The following GARNL3 variants were observed in gnomAD, a reference collection of about 807,000 sequenced individuals.
The protein encoded by GARNL3 is GTPase activating Rap/RanGAP domain like 3, also known as GTPase-activating Rap/Ran-GAP domain-like protein 3.
Under a neutral mutation model 125.0 loss-of-function variants are expected in GARNL3, and 63 were observed. The ratio of observed to expected loss-of-function variants is 0.50; its 90% CI spans 0.41 to 0.62. The LOEUF (loss-of-function observed/expected upper bound fraction) is 0.62, where lower values mean the gene tolerates loss of function less well. Among genes scored for constraint, GARNL3 ranks in the 20% least tolerant of loss-of-function variants. The pLI is 0.00. For synonymous variants in GARNL3, 439 were observed against 457.5 expected, an observed-to-expected ratio of 0.96 and a Z score of 0.52; for missense variants, 994 against 1,244.0, an observed-to-expected ratio of 0.80 and a Z score of 3.02.
intron 2 of GARNL3, among the ~76,000 whole-genome samples, chr9:127,245,998 C>T (rs912439071): frequency 2.0e-5 from 3 of 152,182 alleles, no homozygotes; most frequent in African/African-American, 7.2e-5. Context: ...CAGTGCTGAA[C>T]ACCAATGAAG....
At chr9:127,234,450 A>G (rs1292033996) in intron 1 of GARNL3, among the ~76,000 whole-genome samples, 1 of 152,222 alleles carries the variant, frequency 6.6e-6, no homozygotes, top group Non-Finnish European at 1.5e-5. Flanking sequence ...GAAGTTCTAC[A>G]GCAGCATGCA....
At chr9:127,314,017 C>G (rs1376487339) in intron 4 of GARNL3, among the ~76,000 whole-genome samples, 1 of 152,136 alleles carries the variant, frequency 6.6e-6, no homozygotes, top group Non-Finnish European at 1.5e-5. Context: ...CTGATCCAAC[C>G]TCTGAACTCG....
chr9:127,365,367 G>GT lies in GARNL3; in HGVS notation c.2161+2dup. 2 of 1,608,224 alleles carry GT rather than the reference G, an allele frequency of 1.2e-6. No individual in the cohort carries two copies. Among genetic ancestry groups the GT allele is most frequent in the Non-Finnish European group, 8.5e-7 (1 of 1,174,724 alleles). ...GCTGGTTTGCTGTTGTGTTACAACTGTAAGTTAAGGATGTGCTTTTATCTT... is the reference window on the plus strand; with the variant it reads ...GCTGGTTTGCTGTTGTGTTACAACTGTTAAGTTAAGGATGTGCTTTTATCTT... On this transcript the variant is annotated splice_donor_variant, in intron 22 of 27. Transcript: ENST00000373387. LOFTEE classifies it high-confidence loss of function.
Position 127,387,303 on chromosome 9 carries a change from T to C in GARNL3, c.2499T>C (p.Thr833=). 1 of 1,613,690 alleles carries C rather than the reference T, an allele frequency of 6.2e-7. No individual in the cohort carries two copies. The highest frequency in any genetic ancestry group is 8.5e-7 in the Non-Finnish European group (1 of 1,179,836). Residue 833 remains threonine, a synonymous_variant, in exon 25 of 28, where the codon ACT becomes ACC. Transcript: ENST00000373387. ...CTCAGACACCCCCGGGCCGAGATAC[T>C]CCAGTATTTCCTTCTTCCCTGGGGG... ...NSPQTPPGRD[T]PVFPSSLGEG... is the part of the protein sequence containing the mutation.
intron 1 of GARNL3, among the ~76,000 whole-genome samples, chr9:127,276,790 G>A (rs570268637): frequency 6.6e-4 from 101 of 152,334 alleles, no homozygotes; most frequent in African/African-American, 2.4e-3. Context: ...TATTCTCAAT[G>A]GATTTCATGG....
chr9:127,308,768 C>T (rs549779440), intron 2 of GARNL3, among the ~76,000 whole-genome samples: 4 of 152,262 alleles, frequency 2.6e-5, no homozygotes, highest in African/African-American at 4.8e-5. Context: ...ACTGTGGTTA[C>T]GTAAGAACAT....
chr9:127,375,862 G>A (rs1361536227), intron 22 of GARNL3, among the ~76,000 whole-genome samples: 5 of 152,202 alleles, frequency 3.3e-5, no homozygotes, highest in Non-Finnish European at 7.3e-5. Context: ...AGGTCCTTGT[G>A]GTGAGGAACT....
chr9:127,225,323 G>C, intron 1 of GARNL3: 1 of 984,180 alleles, frequency 1.0e-6, no homozygotes, highest in Non-Finnish European at 1.2e-6. Flanking sequence ...TGGAACCGGA[G>C]CCCGGCGGGG....
intron 2 of GARNL3, among the ~76,000 whole-genome samples, chr9:127,297,284 G>A (rs1380714446): frequency 6.6e-6 from 1 of 151,916 alleles, no homozygotes; most frequent in African/African-American, 2.4e-5. Flanking sequence ...GCCTACAGGC[G>A]CAGGCCACCA....
At chr9:127,241,746 G>A (rs1190372689) in intron 1 of GARNL3, among the ~76,000 whole-genome samples, 1 of 140,996 alleles carries the variant, frequency 7.1e-6, no homozygotes, top group Non-Finnish European at 1.5e-5. Context: ...CTTTTTTGAG[G>A]TTTTTTGTTT....
chr9:127,323,762 A>AAT (rs1344647968), intron 6 of GARNL3, among the ~76,000 whole-genome samples: 34 of 151,566 alleles, frequency 2.2e-4, no homozygotes, highest in East Asian at 9.6e-4. Flanking sequence ...CCCCCCCATA[A>AAT]ATATATATAT....
intron 26 of GARNL3, among the ~76,000 whole-genome samples, chr9:127,389,679 G>A (rs1341523815): frequency 6.6e-6 from 1 of 152,122 alleles, no homozygotes; most frequent in East Asian, 1.9e-4. Context: ...AGCATTTTGG[G>A]AGAGGCTGAG....
chr9:127,388,415 A>G (rs527690355), intron 25 of GARNL3: 10 of 159,762 alleles, frequency 6.3e-5, no homozygotes, highest in Non-Finnish European at 1.2e-4. Context: ...GGCTGTTAAC[A>G]GTAGTGGGTT....
intron 2 of GARNL3, among the ~76,000 whole-genome samples, 181 bp from the exon 3 acceptor site, chr9:127,311,451 CTCCT>C (rs887184494): frequency 2.0e-5 from 3 of 152,148 alleles, no homozygotes; most frequent in Non-Finnish European, 4.4e-5. Flanking sequence ...CCCCAAAGGC[CTCCT>C]GGATGCTTCC....
chr9:127,362,046 T>C (rs1831028998), intron 21 of GARNL3: 2 of 151,402 alleles, frequency 1.3e-5, no homozygotes, highest in East Asian at 3.9e-4. Context: ...CGTTATGTCT[T>C]GGAAGGGGCT....
In GARNL3 at chr9:127,270,481, G is replaced by A. The variant is rs143182784; in HGVS notation, c.144+5460G>A. 1.6e-4 allele frequency among the ~76,000 whole-genome samples: 25 copies of A among 152,168 alleles called. No individual in the cohort carries two copies. In the East Asian group the frequency reaches 3.3e-3, roughly 20 times the overall value. ...CTTCCTCACTGTGGCTCAAATGTCT[G>A]GCCTTTATCCTGGTCTCTGGAACAC... On this transcript the variant is annotated intron_variant, in intron 1 of 27. Coordinates refer to ENST00000373387, the MANE Select transcript of GARNL3 (RefSeq NM_032293.5).
In GARNL3 at chr9:127,348,904, A is replaced by G. The variant is rs771894122; in HGVS notation, c.1432-20A>G. The G allele has an allele frequency of 6.4e-7, 1 of 1,557,068 alleles. No homozygotes were observed. The highest frequency in any genetic ancestry group is 8.8e-7 in the Non-Finnish European group (1 of 1,133,388). On this transcript the variant is annotated intron_variant, in intron 16 of 27. Transcript: ENST00000373387. Reference sequence around the variant, plus strand: ...TTTTTTCTGGTGCACTTATCTTCCGATGCTTGTATTGCCTCACAGCCGTGG... The same window carrying G: ...TTTTTTCTGGTGCACTTATCTTCCGGTGCTTGTATTGCCTCACAGCCGTGG...
intron 21 of GARNL3, chr9:127,363,449 G>A (rs1171880362): frequency 6.6e-6 from 1 of 152,278 alleles, no homozygotes; most frequent in East Asian, 1.9e-4. Context: ...ATGACAGATG[G>A]GAGAGAGCTG....
intron 22 of GARNL3, among the ~76,000 whole-genome samples, chr9:127,372,232 C>CT (rs1831650997): frequency 6.6e-6 from 1 of 152,292 alleles, no homozygotes; most frequent in East Asian, 1.9e-4. Flanking sequence ...GAGGAAGACA[C>CT]TATCCTTGCC....
Sources: gnomAD v4.1 joint callset for allele counts (sites outside exome capture counted in the v4.1 genomes callset) on GRCh38, gnomAD v4.1.1 for gene constraint, MANE v1.5 for transcripts, NCBI Gene and HGNC (gene_info 2026-07-23, HGNC 2026-07-21) for gene names.